ABCA6: variants seen among roughly 807,000 people sequenced by gnomAD.
ABCA6 encodes ATP binding cassette subfamily A member 6.
Under a neutral mutation model 191.2 loss-of-function variants are expected in ABCA6, and 164 were observed. That is an observed-to-expected ratio of 0.86 (90% CI 0.76 to 0.98). The LOEUF is 0.98. Ranked by LOEUF, ABCA6 falls within the 50% of genes least tolerant of loss-of-function variation. The pLI is 0.00. For synonymous variants in ABCA6, 636 were observed against 647.7 expected (o/e 0.98, Z 0.27); for missense variants, 1,958 against 1,894.1 (o/e 1.03, Z -0.63).
intron 23 of ABCA6, among the ~76,000 whole-genome samples, chr17:69,097,182 G>A (rs2073068281): frequency 6.6e-6 from 1 of 152,160 alleles, no homozygotes; most frequent in South Asian, 2.1e-4. Context: ...CACAAGGTCA[G>A]GGGATTGAGG....
At chr17:69,081,377 T>C (rs2072631339) in intron 36 of ABCA6, among the ~76,000 whole-genome samples, 1 of 152,238 alleles carries the variant, frequency 6.6e-6, no homozygotes, top group Non-Finnish European at 1.5e-5. Flanking sequence ...GCTCAGCTTA[T>C]GCAAAACCTT....
chr17:69,117,954 A>G lies in ABCA6; in HGVS notation c.1439T>C (p.Ile480Thr). ...TTTATATTCCTTCTTAACATTTCTG[A>G]TTCTGAAATAACAAAAAGGGTGCTT... ...PEFQGKEAIR[I>T]RNVKKEYKGK... The change falls in exon 11 of 39, where the codon ATC becomes ACC. Residue 480 changes from isoleucine to threonine, a missense_variant and splice_region_variant. Transcript: ENST00000284425. 6.3e-7 allele frequency: 1 copy of G among 1,588,140 alleles called. No homozygotes were observed. The highest frequency in any genetic ancestry group is 8.6e-7 in the Non-Finnish European group (1 of 1,161,980).
rs776027982 is a variant in ABCA6 at position 69,084,419 on chromosome 17, A to ACAC, written c.4260+10_4260+12dup. On this transcript the variant is annotated intron_variant, in intron 33 of 38. Transcript: ENST00000284425. ...ACACCAGCTCTCCATAGAGCATCAC[A>ACAC]CACCGCACGTACCTTTCTCGTGATT... The ACAC allele has an allele frequency of 2.5e-6, 4 of 1,614,120 alleles. No individual in the cohort carries two copies. The highest frequency in any genetic ancestry group is 3.4e-6 in the Non-Finnish European group (4 of 1,179,986).
intron 9 of ABCA6, among the ~76,000 whole-genome samples, chr17:69,123,922 T>C (rs190260909): frequency 6.6e-6 from 1 of 152,050 alleles, no homozygotes; most frequent in Non-Finnish European, 1.5e-5. Flanking sequence ...TAAATTTTTT[T>C]AAAATGTGAT....
chr17:69,118,964 C>G (rs1188927024), intron 10 of ABCA6, among the ~76,000 whole-genome samples: 14 of 151,794 alleles, frequency 9.2e-5, no homozygotes, highest in African/African-American at 9.7e-5. Flanking sequence ...ACACACAGCT[C>G]TTAATCAGTG....
In ABCA6 at chr17:69,102,721, C is replaced by G. The variant is rs188169410; in HGVS notation, c.2874+114G>C. 1.4e-4 allele frequency: 134 copies of G among 967,038 alleles called. 1 individual carries two copies. The East Asian group carries it at 3.3e-3, about 24-fold the overall frequency. 59.9% of individuals were successfully genotyped at this position (967,038 alleles called of 1,614,324 possible). On this transcript the variant is annotated intron_variant, in intron 21 of 38. Coordinates refer to ENST00000284425, the MANE Select transcript of ABCA6 (RefSeq NM_080284.3). ...CTTCACAGTTTATTAAATAACAACC[C>G]AGAATGTTTTTCTGAGTCAAGTTTC... is the stretch of plus-strand genomic sequence containing the variant.
At chr17:69,101,478 C>A (rs920949381) in intron 21 of ABCA6, among the ~76,000 whole-genome samples, 1 of 151,878 alleles carries the variant, frequency 6.6e-6, no homozygotes, top group Non-Finnish European at 1.5e-5. Flanking sequence ...CATCTGTAAT[C>A]CCAGCTACTT....
intron 1 of ABCA6, 64 bp from the exon 2 acceptor site, chr17:69,140,812 C>A (rs1436998895): frequency 3.9e-6 from 2 of 507,952 alleles, no homozygotes; most frequent in Non-Finnish European, 3.3e-6. Context: ...TATTTACTAC[C>A]TTTAAAAAGT....
In ABCA6 at chr17:69,107,648, A is replaced by G; in HGVS notation, c.2389+48T>C. Reference sequence around the variant, plus strand: ...GAAATTATAAATACTAAATTGACACATGATCATTTGGGAATTGGTTTTCTG... The same window carrying G: ...GAAATTATAAATACTAAATTGACACGTGATCATTTGGGAATTGGTTTTCTG... On this transcript the variant is annotated intron_variant, in intron 18 of 38. Transcript: ENST00000284425. The G allele has an allele frequency of 5.7e-6, 7 of 1,223,028 alleles. No homozygotes were observed. In the East Asian group the frequency reaches 1.4e-4, roughly 25 times the overall value. The allele number at this position is 1,223,028 out of a possible 1,614,324, so 75.8% of individuals were successfully genotyped here.
chr17:69,131,725 T>G (rs1347384210), intron 6 of ABCA6, among the ~76,000 whole-genome samples: 1 of 152,218 alleles, frequency 6.6e-6, no homozygotes, highest in Non-Finnish European at 1.5e-5. Context: ...TTCTTCTTAG[T>G]TTTAAGGACG....
At chr17:69,126,756 C>T (rs2073762526) in intron 8 of ABCA6, among the ~76,000 whole-genome samples, 1 of 152,116 alleles carries the variant, frequency 6.6e-6, no homozygotes, top group Non-Finnish European at 1.5e-5. Flanking sequence ...TTTCTTCGAA[C>T]TGATCGAATA....
At chr17:69,129,454 C>G (rs1293666767) in intron 7 of ABCA6, among the ~76,000 whole-genome samples, 156 bp downstream of exon 7, 1 of 152,024 alleles carries the variant, frequency 6.6e-6, no homozygotes, top group Non-Finnish European at 1.5e-5. Flanking sequence ...CTTTTTCACT[C>G]CATAGAAACT....
At position 69,081,160 on chromosome 17, in the gene ABCA6, A is replaced by G. The variant is rs565221770; in HGVS notation, c.4617-15T>C. ...AAGAGGAATACCTGAAAACAGGAAG[A>G]TGTCGTTTTCAGCTCTGAGTTTCAA... On this transcript the variant is annotated splice_polypyrimidine_tract_variant and intron_variant, in intron 36 of 38. Transcript: ENST00000284425. 1.1e-5 allele frequency: 16 copies of G among 1,515,272 alleles called. No homozygotes were observed. The African/African-American group carries it at 1.2e-4, about 12-fold the overall frequency. 93.9% of individuals were successfully genotyped at this position (1,515,272 alleles called of 1,614,324 possible). A position where few individuals can be genotyped will look rare whatever the true frequency, so the allele number is the denominator to read the frequency against.
At chr17:69,137,763 T>C (rs912272177) in intron 2 of ABCA6, among the ~76,000 whole-genome samples, 3 of 151,926 alleles carry the variant, frequency 2.0e-5, no homozygotes, top group African/African-American at 7.3e-5. Flanking sequence ...ACTAATGGAG[T>C]GAATAACAGG....
intron 5 of ABCA6, 34 bp downstream of exon 5, chr17:69,134,605 A>AT (rs761649947): frequency 6.7e-7 from 1 of 1,496,608 alleles, no homozygotes; most frequent in Non-Finnish European, 9.3e-7. Context: ...AGTAGCTGAC[A>AT]TTAATTAGTA....
At chr17:69,118,698 T>C (rs1200767517) in intron 10 of ABCA6, among the ~76,000 whole-genome samples, 1 of 152,120 alleles carries the variant, frequency 6.6e-6, no homozygotes, top group Non-Finnish European at 1.5e-5. Flanking sequence ...TTTTTCTAAA[T>C]GTTCCTTCTC....
rs114245025 is a variant in ABCA6, at chr17:69,090,321, C to T, written c.3529-779G>A. 1.4e-4 allele frequency among the ~76,000 whole-genome samples: 22 copies of T among 152,274 alleles called. 1 individual carries two copies. The highest frequency in any genetic ancestry group is 5.3e-4 in the African/African-American group (22 of 41,564). Reference sequence around the variant, plus strand: ...TGTGTTCTCCACTTAACTTTCTTGCCCTGGCCTCATCGTATACTTTTCTCC... The same window carrying T: ...TGTGTTCTCCACTTAACTTTCTTGCTCTGGCCTCATCGTATACTTTTCTCC... On this transcript the variant is annotated intron_variant, in intron 26 of 38. Coordinates refer to ENST00000284425, the MANE Select transcript of ABCA6 (RefSeq NM_080284.3).
intron 29 of ABCA6, among the ~76,000 whole-genome samples, chr17:69,087,032 G>A (rs774239352): frequency 1.3e-5 from 2 of 152,076 alleles, no homozygotes; most frequent in Admixed American, 6.5e-5. Context: ...AGCATTCTTC[G>A]CATTCTTCGA....
At chr17:69,140,047 T>C (rs777914200) in intron 2 of ABCA6, among the ~76,000 whole-genome samples, 2 of 151,832 alleles carry the variant, frequency 1.3e-5, no homozygotes, top group Non-Finnish European at 2.9e-5. Context: ...TGTATATGTA[T>C]GTAACTAACC....
Sources: allele counts gnomAD v4.1 joint callset (sites outside exome capture counted in the v4.1 genomes callset), GRCh38; gene constraint gnomAD v4.1.1; transcripts MANE v1.5; gene names NCBI Gene and HGNC (gene_info 2026-07-23, HGNC 2026-07-21).